Variants in IL1RAPL2 observed in about 807,000 individuals in gnomAD.
IL1RAPL2 encodes interleukin 1 receptor accessory protein like 2.
A neutral mutation model predicts 44.1 loss-of-function variants in IL1RAPL2; 3 were observed. That is an observed-to-expected ratio of 0.07 (90% CI 0.03 to 0.18). IL1RAPL2 has a LOEUF of 0.18. IL1RAPL2 is among the 10% of genes least tolerant of loss of function. The pLI is 1.00. For synonymous variants in IL1RAPL2, 181 were observed against 178.8 expected (o/e 1.01, Z -0.10); for missense variants, 391 against 496.4 (o/e 0.79, Z 2.02).
At chrX:105,074,971 A>T (rs1488870697) in intron 2 of IL1RAPL2, among the ~76,000 whole-genome samples, 2 of 111,369 alleles carry the variant, frequency 1.8e-5, no homozygotes, top group African/African-American at 6.6e-5. Context: ...TAGATATACA[A>T]TCATGTCATC....
At chrX:105,189,952 C>T (rs1463078070) in intron 2 of IL1RAPL2, among the ~76,000 whole-genome samples, 1 of 111,873 alleles carries the variant, frequency 8.9e-6, no homozygotes. Context: ...ATTATAAGTT[C>T]TGTGTCTAAC....
intron 3 of IL1RAPL2, among the ~76,000 whole-genome samples, chrX:105,208,539 G>A (rs183009549): frequency 1.8e-5 from 2 of 111,115 alleles, no homozygotes; most frequent in African/African-American, 6.5e-5. Flanking sequence ...TATTCGATGG[G>A]TATAGTCTGT....
intron 2 of IL1RAPL2, among the ~76,000 whole-genome samples, chrX:104,744,775 A>G (rs1014943024): frequency 6.3e-5 from 7 of 111,207 alleles, no homozygotes; most frequent in African/African-American, 2.0e-4. Flanking sequence ...AGATTTTATT[A>G]TAATTAATTT....
intron 2 of IL1RAPL2, among the ~76,000 whole-genome samples, chrX:104,820,499 T>C (rs1431431033): frequency 2.7e-5 from 3 of 111,874 alleles, no homozygotes; most frequent in African/African-American, 9.8e-5. Context: ...TCTTGAGCCC[T>C]GGGCTAATTC....
chrX:105,027,368 C>A (rs1235370788), intron 2 of IL1RAPL2, among the ~76,000 whole-genome samples: 1 of 111,203 alleles, frequency 9.0e-6, no homozygotes, highest in African/African-American at 3.3e-5. Flanking sequence ...AGGAAACAAT[C>A]GTCAAAGTGA....
intron 2 of IL1RAPL2, among the ~76,000 whole-genome samples, chrX:105,088,249 T>G (rs1183089894): frequency 8.9e-6 from 1 of 111,829 alleles, no homozygotes; most frequent in Admixed American, 9.5e-5. Context: ...GCTAGCTAGC[T>G]GGTGATGAGT....
chrX:105,361,594 A>G (rs2035247998), intron 5 of IL1RAPL2, among the ~76,000 whole-genome samples: 1 of 111,212 alleles, frequency 9.0e-6, no homozygotes, highest in Non-Finnish European at 1.9e-5. Context: ...GACAGGCCAC[A>G]CACATTTAGC....
intron 2 of IL1RAPL2, among the ~76,000 whole-genome samples, chrX:104,803,434 G>A (rs1284865527): frequency 8.9e-6 from 1 of 112,072 alleles, no homozygotes; most frequent in African/African-American, 3.2e-5. Flanking sequence ...TGGAATAGGT[G>A]CCAGCTTCTC....
intron 2 of IL1RAPL2, among the ~76,000 whole-genome samples, chrX:105,029,172 A>G (rs1004940837): frequency 9.2e-6 from 1 of 108,326 alleles, no homozygotes; most frequent in South Asian, 3.9e-4. Context: ...TTATAATGAC[A>G]TCATGATTTT....
intron 2 of IL1RAPL2, among the ~76,000 whole-genome samples, chrX:104,845,108 T>C (rs966910400): frequency 1.8e-5 from 2 of 112,078 alleles, no homozygotes; most frequent in African/African-American, 6.5e-5. Flanking sequence ...CTTATCTGTG[T>C]TGAGATGGAG....
intron 2 of IL1RAPL2, among the ~76,000 whole-genome samples, chrX:104,855,681 G>GGTTTTTTTTTTTTTTTTTTTT (rs1922337931): frequency 1.9e-5 from 1 of 53,880 alleles, no homozygotes; most frequent in Admixed American, 1.9e-4. Context: ...ATCTGGATCC[G>GGTTTTTTTTTTTTTTTTTTTT]TTTTTTTTTT....
At chrX:105,401,343 C>A (rs2035605331) in intron 5 of IL1RAPL2, among the ~76,000 whole-genome samples, 1 of 111,284 alleles carries the variant, frequency 9.0e-6, no homozygotes, top group Admixed American at 9.6e-5. Flanking sequence ...AAGCAGAGTA[C>A]AAATGATATA....
chrX:104,909,732 C>T (rs1354955053), intron 2 of IL1RAPL2, among the ~76,000 whole-genome samples: 1 of 112,169 alleles, frequency 8.9e-6, no homozygotes, highest in Non-Finnish European at 1.9e-5. Context: ...ACTGGGAGAA[C>T]CACTGCTCTC....
chrX:104,667,680 C>A (rs186834278), intron 2 of IL1RAPL2, among the ~76,000 whole-genome samples: 1 of 111,402 alleles, frequency 9.0e-6, no homozygotes, highest in Admixed American at 9.6e-5. Flanking sequence ...ACATCATTAG[C>A]CTCATTTTAA....
intron 1 of IL1RAPL2, among the ~76,000 whole-genome samples, chrX:104,640,806 ATTGT>A (rs1218168141): frequency 1.8e-5 from 2 of 112,243 alleles, no homozygotes; most frequent in Non-Finnish European, 3.8e-5. Context: ...TTAGGGTATG[ATTGT>A]TAATGGAGAC....
chrX:105,128,039 A>G (rs1361703952), intron 2 of IL1RAPL2, among the ~76,000 whole-genome samples: 1 of 110,927 alleles, frequency 9.0e-6, no homozygotes, highest in Non-Finnish European at 1.9e-5. Flanking sequence ...TATGCTTACA[A>G]CTAAATTGTA....
At position 104,647,275 on chromosome X, in the gene IL1RAPL2, T is replaced by A; in HGVS notation, c.-19-11620T>A. 3 of 405,692 alleles carry A rather than the reference T, an allele frequency of 7.4e-6. No individual in the cohort carries two copies. The Admixed American group carries it at 8.8e-5, about 12-fold the overall frequency. 33.4% of individuals were successfully genotyped at this position (405,692 alleles called of 1,213,427 possible). A position where few individuals can be genotyped will look rare whatever the true frequency, so the allele number is the denominator to read the frequency against. ...GCTGGTATGTGATGTCCTCTGCAGC[T>A]TCCAGCACGCTCAGCTCGATCAGGC... On this transcript the variant is annotated intron_variant, in intron 1 of 10. Coordinates refer to ENST00000372582, the MANE Select transcript of IL1RAPL2 (RefSeq NM_017416.2).
At chrX:104,741,933 T>C (rs745534841) in intron 2 of IL1RAPL2, among the ~76,000 whole-genome samples, 20 of 111,686 alleles carry the variant, frequency 1.8e-4, no homozygotes, top group Non-Finnish European at 1.9e-4. Flanking sequence ...CTTGATCTAC[T>C]GAGTGAATTT....
intron 2 of IL1RAPL2, among the ~76,000 whole-genome samples, chrX:104,669,989 A>G (rs1930562817): frequency 8.9e-6 from 1 of 112,052 alleles, no homozygotes; most frequent in Non-Finnish European, 1.9e-5. Context: ...GAATTCTCAA[A>G]TATCTTCTAA....
Sources: gnomAD v4.1 joint callset for allele counts (sites outside exome capture counted in the v4.1 genomes callset) on GRCh38, gnomAD v4.1.1 for gene constraint, MANE v1.5 for transcripts, NCBI Gene and HGNC (gene_info 2026-07-23, HGNC 2026-07-21) for gene names.